PLPP1: variants seen among roughly 807,000 people sequenced by gnomAD.
The protein encoded by PLPP1 is phospholipid phosphatase 1.
Under a neutral mutation model 31.2 loss-of-function variants are expected in PLPP1, and 24 were observed. That is an observed-to-expected ratio of 0.77 (90% confidence interval 0.56 to 1.08). The LOEUF (loss-of-function observed/expected upper bound fraction) is 1.08. Among genes scored for constraint, PLPP1 ranks in the 50% least tolerant of loss-of-function variants. The pLI is 0.00. For missense variants in PLPP1, 319 were observed against 342.7 expected (o/e 0.93, Z 0.55); for synonymous variants, 146 against 126.3 (o/e 1.16, Z -1.05).
chr5:55,450,773 G>A (rs1293645675), intron 3 of PLPP1, among the ~76,000 whole-genome samples: 1 of 152,186 alleles, frequency 6.6e-6, no homozygotes, highest in Non-Finnish European at 1.5e-5. Flanking sequence ...AGCGGTGGAT[G>A]AAACGAACGA....
intron 1 of PLPP1, among the ~76,000 whole-genome samples, chr5:55,521,557 A>G (rs1255734245): frequency 1.3e-5 from 2 of 152,202 alleles, no homozygotes; most frequent in African/African-American, 4.8e-5. Context: ...CTTGATTAAA[A>G]TACCTGCCTA....
chr5:55,515,649 T>C (rs555579687), intron 1 of PLPP1, among the ~76,000 whole-genome samples: 1 of 152,168 alleles, frequency 6.6e-6, no homozygotes, highest in African/African-American at 2.4e-5. Flanking sequence ...TGTTTGACCC[T>C]TCAGAACAAA....
At chr5:55,480,481 C>T (rs1324009057) in intron 1 of PLPP1, among the ~76,000 whole-genome samples, 1 of 151,938 alleles carries the variant, frequency 6.6e-6, no homozygotes, top group African/African-American at 2.4e-5. Flanking sequence ...GGCAACCACT[C>T]ATCTGCTATC....
intron 1 of PLPP1, among the ~76,000 whole-genome samples, chr5:55,496,938 A>C (rs994313612): frequency 6.6e-6 from 1 of 152,242 alleles, no homozygotes; most frequent in Non-Finnish European, 1.5e-5. Flanking sequence ...GAAAGACTAA[A>C]GTAAATCAAT....
At chr5:55,487,957 G>A (rs547109796) in intron 1 of PLPP1, among the ~76,000 whole-genome samples, 14 of 152,120 alleles carry the variant, frequency 9.2e-5, no homozygotes, top group Admixed American at 3.3e-4. Context: ...GTGAAACCCT[G>A]TCTCTATTAA....
chr5:55,499,691 A>G (rs1346135651), intron 1 of PLPP1, among the ~76,000 whole-genome samples: 1 of 152,110 alleles, frequency 6.6e-6, no homozygotes, highest in African/African-American at 2.4e-5. Flanking sequence ...CAAAAAAAAA[A>G]TAAATAAATA....
chr5:55,428,689 T>C (rs1751268426), intron 4 of PLPP1, among the ~76,000 whole-genome samples: 1 of 152,234 alleles, frequency 6.6e-6, no homozygotes, highest in African/African-American at 2.4e-5. Context: ...TAGAACTAGA[T>C]ACAGGGGACA....
At chr5:55,475,570 A>C in intron 1 of PLPP1, 120 bp from the exon 2 acceptor site, 1 of 909,020 alleles carries the variant, frequency 1.1e-6, no homozygotes, top group Non-Finnish European at 1.6e-6. Flanking sequence ...AAATGAGAGC[A>C]CATGTAAAAA....
chr5:55,500,582 A>G (rs1346944614), intron 1 of PLPP1, among the ~76,000 whole-genome samples: 1 of 152,176 alleles, frequency 6.6e-6, no homozygotes, highest in Non-Finnish European at 1.5e-5. Flanking sequence ...CCATGTTTGA[A>G]TATTTTATAA....
chr5:55,450,096 T>A (rs2111735422), intron 3 of PLPP1, among the ~76,000 whole-genome samples: 1 of 152,322 alleles, frequency 6.6e-6, no homozygotes, highest in African/African-American at 2.4e-5. Context: ...TTAATACATT[T>A]CCATTTAAAG....
intron 3 of PLPP1, among the ~76,000 whole-genome samples, chr5:55,464,319 G>A (rs1221292096): frequency 2.0e-5 from 3 of 151,282 alleles, no homozygotes; most frequent in African/African-American, 4.9e-5. Context: ...TCCACCACAC[G>A]GGTTCAAAGT....
At chr5:55,533,009 T>TA (rs1428445844) in intron 1 of PLPP1, among the ~76,000 whole-genome samples, 2 of 149,596 alleles carry the variant, frequency 1.3e-5, no homozygotes, top group African/African-American at 4.9e-5. Flanking sequence ...TTCCTAAACT[T>TA]AATTCCTAAA....
chr5:55,495,346 T>C (rs559593775), intron 1 of PLPP1, among the ~76,000 whole-genome samples: 4 of 151,860 alleles, frequency 2.6e-5, no homozygotes, highest in South Asian at 2.1e-4. Flanking sequence ...AAAGAGGCTA[T>C]AGGAGAGGAA....
At chr5:55,530,993 A>G (rs1740650918) in intron 1 of PLPP1, among the ~76,000 whole-genome samples, 1 of 151,992 alleles carries the variant, frequency 6.6e-6, no homozygotes, top group South Asian at 2.1e-4. Flanking sequence ...CTACAACAAC[A>G]TCGCGCCTTT....
chr5:55,446,830 G>A (rs927263735), intron 3 of PLPP1, among the ~76,000 whole-genome samples: 2 of 152,044 alleles, frequency 1.3e-5, no homozygotes, highest in Non-Finnish European at 2.9e-5. Context: ...GCCACTCTTC[G>A]GGAGTTCTCA....
At chr5:55,472,199 A>G (rs1394713467) in intron 2 of PLPP1, among the ~76,000 whole-genome samples, 1 of 152,246 alleles carries the variant, frequency 6.6e-6, no homozygotes, top group African/African-American at 2.4e-5. Context: ...TAGAGATGAA[A>G]ACAATACCTT....
At chr5:55,431,467 A>T (rs1448594563) in intron 4 of PLPP1, among the ~76,000 whole-genome samples, 1 of 152,224 alleles carries the variant, frequency 6.6e-6, no homozygotes, top group Admixed American at 6.5e-5. Context: ...GGAAATGAAT[A>T]ATGAGGAACT....
chr5:55,487,432 C>CAAA, intron 1 of PLPP1, among the ~76,000 whole-genome samples: 1 of 42,624 alleles, frequency 2.3e-5, no homozygotes, highest in Non-Finnish European at 6.5e-5. Context: ...CATTAAAACC[C>CAAA]AAAAACAAAA....
intron 1 of PLPP1, among the ~76,000 whole-genome samples, chr5:55,530,977 G>A (rs1265969952): frequency 6.6e-6 from 1 of 151,458 alleles, no homozygotes; most frequent in East Asian, 1.9e-4. Flanking sequence ...CCCGGGGCTC[G>A]ATGCCCTACA....
Sources: gnomAD v4.1 joint callset for allele counts (sites outside exome capture counted in the v4.1 genomes callset) on GRCh38, gnomAD v4.1.1 for gene constraint, MANE v1.5 for transcripts, NCBI Gene and HGNC (gene_info 2026-07-23, HGNC 2026-07-21) for gene names.